Variants in FMNL2 observed in about 807,000 individuals in gnomAD.
FMNL2 encodes formin-like protein 2.
Under a neutral mutation model 130.2 loss-of-function variants are expected in FMNL2, and 51 were observed. The ratio of observed to expected loss-of-function variants is 0.39; its 90% CI spans 0.31 to 0.49. FMNL2 has a LOEUF of 0.49. Among genes scored for constraint, FMNL2 ranks in the 20% least tolerant of loss-of-function variants. The probability of loss-of-function intolerance (pLI) is 0.85; values close to 1 mark genes in which losing one functional copy is unlikely to be tolerated. For missense variants in FMNL2, 977 were observed against 1,316.2 expected, an observed-to-expected ratio of 0.74 and a Z score of 3.99; for synonymous variants, 465 against 467.1, an observed-to-expected ratio of 1.00 and a Z score of 0.06.
intron 25 of FMNL2, chr2:152,643,654 C>T (rs1250181275): frequency 1.4e-5 from 21 of 1,459,380 alleles, no homozygotes; most frequent in Non-Finnish European, 1.9e-5. Flanking sequence ...TTGTGTTGTT[C>T]TCATGCTGCA....
At chr2:152,513,935 A>G (rs1008012272) in intron 1 of FMNL2, among the ~76,000 whole-genome samples, 3 of 152,188 alleles carry the variant, frequency 2.0e-5, no homozygotes, top group Admixed American at 6.5e-5. Flanking sequence ...AAAGAAGCTG[A>G]ATAGATTTTA....
In FMNL2 at chr2:152,407,202, T is replaced by TTG. The variant is rs1383765417; in HGVS notation, c.117+71483_117+71484insGT. ...TATTTTTCACTTTCTGTTTTTGTTT[T>TTG]TTTTTTCTTTCCCCCTGAAGCTTCA... is the stretch of plus-strand genomic sequence containing the variant. On this transcript the variant is annotated intron_variant, in intron 1 of 25. Coordinates refer to ENST00000288670, the MANE Select transcript of FMNL2 (RefSeq NM_052905.4). 5.9e-5 allele frequency among the ~76,000 whole-genome samples: 9 copies of TTG among 151,450 alleles called. 1 individual carries two copies. Among genetic ancestry groups the TTG allele is most frequent in the East Asian group, 1.9e-4 (1 of 5,160 alleles).
At chr2:152,404,074 A>T (rs1274667614) in intron 1 of FMNL2, among the ~76,000 whole-genome samples, 2 of 152,230 alleles carry the variant, frequency 1.3e-5, no homozygotes, top group African/African-American at 4.8e-5. Context: ...CTCAATAAAT[A>T]AATAAATAAA....
intron 23 of FMNL2, among the ~76,000 whole-genome samples, chr2:152,638,720 C>T (rs746780): frequency 0.85 from 128,946 of 152,150 alleles, 55,267 homozygotes; most frequent in Non-Finnish European, 0.9. Flanking sequence ...GAGAAGGCTG[C>T]GGGCCACCAA....
chr2:152,363,186 A>T (rs898712489), intron 1 of FMNL2, among the ~76,000 whole-genome samples: 3 of 152,222 alleles, frequency 2.0e-5, no homozygotes, highest in African/African-American at 4.8e-5. Flanking sequence ...ATCATATGCT[A>T]TAGGGATAAC....
intron 1 of FMNL2, among the ~76,000 whole-genome samples, chr2:152,511,434 T>A (rs1431835522): frequency 6.6e-6 from 1 of 152,248 alleles, no homozygotes; most frequent in Non-Finnish European, 1.5e-5. Flanking sequence ...AAGTCTACCT[T>A]TGAAGTTGCA....
intron 2 of FMNL2, among the ~76,000 whole-genome samples, chr2:152,533,555 T>C (rs1693824552): frequency 6.6e-6 from 1 of 151,268 alleles, no homozygotes; most frequent in Non-Finnish European, 1.5e-5. Flanking sequence ...ACTTTTTTTT[T>C]TTTTTTTTTT....
intron 1 of FMNL2, among the ~76,000 whole-genome samples, chr2:152,457,078 ACTGTTAAACAGT>A (rs1688999939): frequency 6.6e-6 from 1 of 152,158 alleles, no homozygotes; most frequent in African/African-American, 2.4e-5. Context: ...AATGGAGTTG[ACTGTTAAACAGT>A]CTGGTAAATA....
chr2:152,628,597 G>A lies in FMNL2; in HGVS notation c.2400+64G>A, dbSNP rs946804391. On this transcript the variant is annotated intron_variant, in intron 18 of 25. Coordinates refer to ENST00000288670, the MANE Select transcript of FMNL2 (RefSeq NM_052905.4). ...AAATGTGGAATCGTTATTTTTTAAA[G>A]TCTCTCCCAGAATCGTACTCAGTGT... The A allele has an allele frequency of 2.1e-5, 30 of 1,421,482 alleles. No homozygotes were observed. In the African/African-American group the frequency reaches 3.5e-4, roughly 17 times the overall value. 88.1% of individuals were successfully genotyped at this position (1,421,482 alleles called of 1,614,324 possible).
At chr2:152,401,269 G>A (rs1685678850) in intron 1 of FMNL2, among the ~76,000 whole-genome samples, 1 of 152,214 alleles carries the variant, frequency 6.6e-6, no homozygotes, top group Non-Finnish European at 1.5e-5. Flanking sequence ...TTTAGGAGAA[G>A]CTATTAATTT....
intron 1 of FMNL2, among the ~76,000 whole-genome samples, chr2:152,351,377 T>C (rs186396661): frequency 8.7e-4 from 133 of 152,204 alleles, no homozygotes; most frequent in Admixed American, 1.0e-3. Flanking sequence ...GCAGGTTCCA[T>C]TGTGTGACGT....
chr2:152,527,249 T>C (rs1693438972), intron 2 of FMNL2, among the ~76,000 whole-genome samples: 1 of 152,192 alleles, frequency 6.6e-6, no homozygotes, highest in Admixed American at 6.5e-5. Flanking sequence ...AAAAATAATG[T>C]CTGGTTGTCC....
rs1300823886 is a variant in FMNL2 at position 152,506,435 on chromosome 2, T to C, written c.118-15508T>C. Reference sequence around the variant, plus strand: ...TCATGTCTAGATTACTTATAATACCTGATATAGTATAAATGTTATGTAAAT... The same window carrying C: ...TCATGTCTAGATTACTTATAATACCCGATATAGTATAAATGTTATGTAAAT... On this transcript the variant is annotated intron_variant, in intron 1 of 25. Transcript: ENST00000288670. Among the ~76,000 whole-genome samples the C allele has an allele frequency of 2.4e-5, 3 of 122,956 alleles. No homozygotes were observed. In the East Asian group the frequency reaches 5.8e-4, roughly 24 times the overall value. 80.7% of individuals were successfully genotyped at this position (122,956 alleles called of 152,430 possible). A position where few individuals can be genotyped will look rare whatever the true frequency, so the allele number is the denominator to read the frequency against.
intron 1 of FMNL2, among the ~76,000 whole-genome samples, chr2:152,516,444 G>C (rs1444953839): frequency 6.6e-6 from 1 of 152,112 alleles, no homozygotes; most frequent in East Asian, 1.9e-4. Context: ...TCCATAAGAA[G>C]CACTACTTGC....
chr2:152,591,755 G>A (rs542121655), intron 9 of FMNL2, among the ~76,000 whole-genome samples: 3 of 152,260 alleles, frequency 2.0e-5, no homozygotes, highest in South Asian at 2.1e-4. Flanking sequence ...GCGGTGAGCC[G>A]TGATCACACC....
chr2:152,582,146 C>G (rs16823807), intron 9 of FMNL2, among the ~76,000 whole-genome samples: 25,821 of 152,164 alleles, frequency 0.17, 2,685 homozygotes, highest in African/African-American at 0.29. Flanking sequence ...GAGCCAGGAA[C>G]AGGACTTGGT....
intron 1 of FMNL2, among the ~76,000 whole-genome samples, chr2:152,364,261 G>GTTTTTTTTTTTTTTTTTT (rs869062341): frequency 1.2e-4 from 3 of 24,460 alleles, no homozygotes; most frequent in African/African-American, 3.8e-4. Context: ...AGGTTTGTGT[G>GTTTTTTTTTTTTTTTTTT]TTTTTTTTTT....
chr2:152,569,077 C>T (rs1046568259), intron 6 of FMNL2, among the ~76,000 whole-genome samples: 1 of 149,274 alleles, frequency 6.7e-6, no homozygotes, highest in Non-Finnish European at 1.5e-5. Flanking sequence ...GAAGGACTAG[C>T]TCAAAATTTT....
chr2:152,564,775 G>GTT (rs1553477765), intron 6 of FMNL2, among the ~76,000 whole-genome samples: 5 of 9,826 alleles, frequency 5.1e-4, no homozygotes, highest in Non-Finnish European at 8.4e-4. Flanking sequence ...ATACAAGGTT[G>GTT]GTTTTTTTTT....
Sources: allele counts gnomAD v4.1 joint callset (sites outside exome capture counted in the v4.1 genomes callset), GRCh38; gene constraint gnomAD v4.1.1; transcripts MANE v1.5; gene names NCBI Gene and HGNC (gene_info 2026-07-23, HGNC 2026-07-21).